STXBP3: variants seen among roughly 807,000 people sequenced by gnomAD.
STXBP3 encodes the protein syntaxin binding protein 3.
In STXBP3, 41 loss-of-function variants were observed where a neutral mutation model predicts 85.7. The ratio of observed to expected loss-of-function variants is 0.48; its 90% CI spans 0.37 to 0.62. The LOEUF is 0.62. STXBP3 is among the 20% of genes least tolerant of loss of function. The pLI, the probability that STXBP3 is intolerant of heterozygous loss-of-function variation, is 0.00. For missense variants in STXBP3, 563 were observed against 703.1 expected, an observed-to-expected ratio of 0.80 and a Z score of 2.25; for synonymous variants, 229 against 231.7, an observed-to-expected ratio of 0.99 and a Z score of 0.10.
At chr1:108,764,728 A>C (rs1463301485) in intron 6 of STXBP3, among the ~76,000 whole-genome samples, 2 of 151,898 alleles carry the variant, frequency 1.3e-5, no homozygotes, top group Non-Finnish European at 2.9e-5. Context: ...CCCACTTTTT[A>C]ATGGTTTTTT....
intron 6 of STXBP3, among the ~76,000 whole-genome samples, chr1:108,770,318 C>CTA (rs1028186692): frequency 6.6e-6 from 1 of 151,976 alleles, no homozygotes; most frequent in Non-Finnish European, 1.5e-5. Context: ...AAAAACAAAC[C>CTA]TACACATGAC....
At chr1:108,789,884 G>C (rs758972493) in intron 11 of STXBP3, among the ~76,000 whole-genome samples, 1 of 151,798 alleles carries the variant, frequency 6.6e-6, no homozygotes, top group Non-Finnish European at 1.5e-5. Context: ...TGGCCAACAT[G>C]GCGAAACCCC....
chr1:108,763,116 C>T (rs780735508), intron 6 of STXBP3, among the ~76,000 whole-genome samples: 94 of 152,178 alleles, frequency 6.2e-4, no homozygotes, highest in Non-Finnish European at 1.1e-3. Flanking sequence ...CAGAAAACAA[C>T]TGGCTAAAGA....
intron 17 of STXBP3, among the ~76,000 whole-genome samples, chr1:108,802,633 A>G (rs1663255233): frequency 6.6e-6 from 1 of 152,160 alleles, no homozygotes; most frequent in African/African-American, 2.4e-5. Flanking sequence ...TTCTTACCAG[A>G]TATGTTAGCA....
chr1:108,783,120 C>T (rs558890958), intron 11 of STXBP3, among the ~76,000 whole-genome samples: 8 of 152,326 alleles, frequency 5.3e-5, no homozygotes, highest in African/African-American at 1.9e-4. Context: ...AAACTCCTGG[C>T]CTCAAGTGAT....
intron 11 of STXBP3, among the ~76,000 whole-genome samples, chr1:108,787,209 A>G (rs866747312): frequency 3.7e-4 from 57 of 152,190 alleles, no homozygotes; most frequent in African/African-American, 1.3e-3. Flanking sequence ...AATTCAAGCA[A>G]TCCCCCCACC....
intron 6 of STXBP3, among the ~76,000 whole-genome samples, chr1:108,769,333 T>A (rs1662333129): frequency 6.6e-6 from 1 of 152,076 alleles, no homozygotes; most frequent in South Asian, 2.1e-4. Context: ...GCAGGCACAC[T>A]CTTTGTAACT....
chr1:108,806,641 C>T (rs544560251), intron 17 of STXBP3, among the ~76,000 whole-genome samples: 2 of 152,258 alleles, frequency 1.3e-5, no homozygotes, highest in Admixed American at 6.5e-5. Context: ...CTCCTACCAT[C>T]GTAGGTTCCT....
intron 1 of STXBP3, among the ~76,000 whole-genome samples, chr1:108,752,013 T>C (rs1197251076): frequency 1.3e-5 from 2 of 152,218 alleles, no homozygotes; most frequent in African/African-American, 2.4e-5. Flanking sequence ...GGTACGTTCA[T>C]GTACTTAAAT....
intron 1 of STXBP3, 142 bp from the exon 2 acceptor site, chr1:108,752,115 C>A: frequency 1.5e-6 from 1 of 681,328 alleles, no homozygotes; most frequent in Non-Finnish European, 2.5e-6. Flanking sequence ...TTGGATTTTT[C>A]CGTAAGGTTT....
rs747643985 is a variant in STXBP3 at position 108,800,255 on chromosome 1, G to C, written c.1485G>C (p.Trp495Cys). The C allele has an allele frequency of 4.3e-6, 7 of 1,612,354 alleles. No individual in the cohort carries two copies. Among genetic ancestry groups the C allele is most frequent in the Non-Finnish European group, 5.9e-6 (7 of 1,178,686 alleles). Residue 495 changes from tryptophan (W) to cysteine (C), a missense_variant, in exon 17 of 19, where the codon TGG (tryptophan) becomes TGC (cysteine). By Grantham distance (215) the Trp-to-Cys change is radical. Coordinates refer to ENST00000370008, the MANE Select transcript of STXBP3 (RefSeq NM_007269.4). ...ATAATAGATTAGATTCAAAAGAATGGCCATATTGTTCCCAGTGTCCAGCAG... is the reference window on the plus strand; with the variant it reads ...ATAATAGATTAGATTCAAAAGAATGCCCATATTGTTCCCAGTGTCCAGCAG... ...AIDNRLDSKE[W>C]PYCSQCPAVW...
At chr1:108,756,920 A>T (rs552850917) in intron 4 of STXBP3, 154 bp downstream of exon 4, 1 of 428,164 alleles carries the variant, frequency 2.3e-6, no homozygotes, top group East Asian at 3.7e-5. Context: ...GTGTTAGAAG[A>T]TTATTTGCAT....
At chr1:108,778,877 A>G (rs547559881) in intron 8 of STXBP3, among the ~76,000 whole-genome samples, 12 of 152,294 alleles carry the variant, frequency 7.9e-5, no homozygotes, top group Admixed American at 5.9e-4. Flanking sequence ...CATCAGCCCA[A>G]CAGAACCTAC....
intron 18 of STXBP3, among the ~76,000 whole-genome samples, chr1:108,807,837 A>C (rs1663375581): frequency 6.6e-6 from 1 of 152,070 alleles, no homozygotes; most frequent in Non-Finnish European, 1.5e-5. Context: ...TCGGCCTCCC[A>C]AAGTGCTGGG....
chr1:108,746,753 G>C lies in STXBP3; in HGVS notation c.16G>C (p.Ala6Pro). 3.2e-6 allele frequency: 5 copies of C among 1,550,248 alleles called. No individual in the cohort carries two copies. The highest frequency in any genetic ancestry group is 3.5e-6 in the Non-Finnish European group (4 of 1,146,390). The change falls in exon 1 of 19, where the codon GCA (alanine) becomes CCA (proline). Residue 6 changes from alanine to proline, a missense_variant. Ala to Pro is a conservative substitution (Grantham distance 27). This residue lies in a region of STXBP3 where 37 missense variants were observed against 39.7 expected (regional missense o/e 0.93). Coordinates refer to ENST00000370008, the MANE Select transcript of STXBP3 (RefSeq NM_007269.4). MAPPV[A>P]ERGLKSVVWQ... ...TGTCGGGAAGATGGCGCCGCCGGTGGCAGAGAGGGGGCTAAAGAGCGTCGT... is the reference window on the plus strand; with the variant it reads ...TGTCGGGAAGATGGCGCCGCCGGTGCCAGAGAGGGGGCTAAAGAGCGTCGT...
chr1:108,751,234 A>G (rs1372833284), intron 1 of STXBP3, among the ~76,000 whole-genome samples: 2 of 152,122 alleles, frequency 1.3e-5, no homozygotes, highest in African/African-American at 2.4e-5. Context: ...CCCCTCACCC[A>G]AGAGTCATTT....
At chr1:108,802,467 A>G (rs952677573) in intron 17 of STXBP3, among the ~76,000 whole-genome samples, 1 of 152,168 alleles carries the variant, frequency 6.6e-6, no homozygotes, top group Non-Finnish European at 1.5e-5. Context: ...GACCACACCT[A>G]GCAAAGCTGC....
intron 6 of STXBP3, among the ~76,000 whole-genome samples, chr1:108,764,732 G>GT (rs553603768): frequency 3.8e-4 from 57 of 151,734 alleles, no homozygotes; most frequent in African/African-American, 1.1e-3. Flanking sequence ...CTTTTTAATG[G>GT]TTTTTTTTCT....
chr1:108,781,308 A>G (rs953983524), intron 9 of STXBP3: 3 of 152,172 alleles, frequency 2.0e-5, no homozygotes, highest in Admixed American at 6.5e-5. Flanking sequence ...AGCAAAGTCT[A>G]TATGTATTAT....
Sources: allele counts gnomAD v4.1 joint callset (sites outside exome capture counted in the v4.1 genomes callset), GRCh38; gene constraint gnomAD v4.1.1; regional missense constraint gnomAD v4.1.1; transcripts MANE v1.5; gene names NCBI Gene and HGNC (gene_info 2026-07-23, HGNC 2026-07-21).